The following TMEM260 variants were observed in gnomAD, a reference collection of about 807,000 sequenced individuals.
TMEM260 encodes transmembrane protein 260, also known as protein O-mannosyl-transferase TMEM260.
In TMEM260, 82 loss-of-function variants were observed where a neutral mutation model predicts 88.9. The ratio of observed to expected loss-of-function variants is 0.92; its 90% CI spans 0.77 to 1.11. The LOEUF is 1.11. Among genes scored for constraint, TMEM260 ranks in the 50% least tolerant of loss-of-function variants. The pLI, the probability that TMEM260 is intolerant of heterozygous loss-of-function variation, is 0.00. For missense variants in TMEM260, 902 were observed against 853.4 expected, an observed-to-expected ratio of 1.06 and a Z score of -0.71; for synonymous variants, 314 against 309.3, an observed-to-expected ratio of 1.02 and a Z score of -0.16.
chr14:56,647,070 A>G lies in TMEM260; in HGVS notation c.1870-173A>G, dbSNP rs185577201. The stretch of plus-strand genomic sequence containing the variant: ...AGCATATTTGCCTCCTGCTACTGTA[A>G]TAATTGCAGTAACATTCTTGGGTTC... On this transcript the variant is annotated intron_variant, in intron 15 of 15. Coordinates refer to ENST00000261556, the MANE Select transcript of TMEM260 (RefSeq NM_017799.4). Among the ~76,000 whole-genome samples the G allele has an allele frequency of 5.9e-5, 9 of 152,278 alleles. No homozygotes were observed. In the East Asian group the frequency reaches 1.5e-3, roughly 26 times the overall value.
chr14:56,592,932 A>G (rs1426466821), intron 3 of TMEM260, among the ~76,000 whole-genome samples: 1 of 152,196 alleles, frequency 6.6e-6, no homozygotes, highest in African/African-American at 2.4e-5. Context: ...AGGCATGTCA[A>G]ATGTGTGTTC....
intron 3 of TMEM260, among the ~76,000 whole-genome samples, chr14:56,596,431 C>T (rs889260946): frequency 5.3e-4 from 72 of 136,418 alleles, no homozygotes; most frequent in African/African-American, 1.7e-3. Flanking sequence ...TATATACATA[C>T]ACACACATAT....
At chr14:56,596,653 C>T (rs1473665485) in intron 3 of TMEM260, among the ~76,000 whole-genome samples, 1 of 149,464 alleles carries the variant, frequency 6.7e-6, no homozygotes, top group Non-Finnish European at 1.5e-5. Flanking sequence ...ATCCCAGCCA[C>T]TTGGGAGGCT....
chr14:56,661,372 C>T, the TMEM260 span, among the ~76,000 whole-genome samples: 9 of 152,160 alleles, frequency 5.9e-5, no homozygotes, highest in African/African-American at 7.2e-5. Flanking sequence ...GGAATGCCCT[C>T]GGTGGTGGAG....
the TMEM260 span, among the ~76,000 whole-genome samples, chr14:56,656,424 AAAT>A: frequency 7.2e-5 from 11 of 152,216 alleles, no homozygotes; most frequent in East Asian, 7.7e-4. Context: ...TATCTCAAAT[AAAT>A]AAATAAATAA....
At chr14:56,619,327 T>A (rs1360698718) in intron 10 of TMEM260, 1 of 152,594 alleles carries the variant, frequency 6.6e-6, no homozygotes, top group Non-Finnish European at 1.5e-5. Context: ...CATGCCACCA[T>A]TAGCATGCCT....
chr14:56,613,128 G>A (rs968737536), intron 7 of TMEM260: 1 of 151,926 alleles, frequency 6.6e-6, no homozygotes, highest in African/African-American at 2.4e-5. Flanking sequence ...TACAGATTAA[G>A]ACAAGTGGAA....
At chr14:56,659,245 T>C in the TMEM260 span, among the ~76,000 whole-genome samples, 1 of 147,556 alleles carries the variant, frequency 6.8e-6, no homozygotes, top group Non-Finnish European at 1.5e-5. Flanking sequence ...AAGAGGGTTT[T>C]TGTTTTTTGG....
chr14:56,640,550 A>G (rs1432684197), intron 15 of TMEM260, among the ~76,000 whole-genome samples: 1 of 152,180 alleles, frequency 6.6e-6, no homozygotes, highest in Non-Finnish European at 1.5e-5. Flanking sequence ...TGGGGAAAAA[A>G]CAGCAGAAAA....
chr14:56,621,788 C>A, intron 11 of TMEM260, 86 bp downstream of exon 11: 3 of 1,169,940 alleles, frequency 2.6e-6, no homozygotes, highest in Non-Finnish European at 3.5e-6. Flanking sequence ...AAATGGTGGA[C>A]GGGTACAGTT....
At chr14:56,618,561 A>C (rs755250986) in intron 9 of TMEM260, 33 bp from the exon 10 acceptor site, 1 of 1,608,688 alleles carries the variant, frequency 6.2e-7, no homozygotes, top group African/African-American at 1.3e-5. Context: ...TAAATAGTCA[A>C]CTGGACCCAC....
chr14:56,643,394 A>G (rs1181789303), intron 15 of TMEM260, among the ~76,000 whole-genome samples: 1 of 152,190 alleles, frequency 6.6e-6, no homozygotes, highest in African/African-American at 2.4e-5. Flanking sequence ...TATAAACAGA[A>G]CCAAAGACAA....
At chr14:56,636,375 TGA>T (rs1346674732) in intron 14 of TMEM260, 131 bp from the exon 15 acceptor site, 1 of 690,302 alleles carries the variant, frequency 1.4e-6, no homozygotes, top group Admixed American at 2.6e-5. Flanking sequence ...TCCATGAATA[TGA>T]GAGAATTGAA....
At chr14:56,638,963 G>GTGACTTAATAGGACATCTAAAA (rs1317340046) in intron 15 of TMEM260, among the ~76,000 whole-genome samples, 4 of 152,128 alleles carry the variant, frequency 2.6e-5, no homozygotes, top group African/African-American at 9.7e-5. Flanking sequence ...TATGGTACAT[G>GTGACTTAATAGGACATCTAAAA]TGACTTAATA....
intron 3 of TMEM260, among the ~76,000 whole-genome samples, chr14:56,592,141 T>A (rs1389046887): frequency 6.6e-6 from 1 of 152,190 alleles, no homozygotes; most frequent in Non-Finnish European, 1.5e-5. Flanking sequence ...CTCCTTTTGA[T>A]CAAACCTCAT....
chr14:56,646,223 C>T (rs1379814991), intron 15 of TMEM260, among the ~76,000 whole-genome samples: 3 of 152,142 alleles, frequency 2.0e-5, no homozygotes, highest in African/African-American at 7.2e-5. Flanking sequence ...CATGAGGGTG[C>T]TATTTAAAAA....
chr14:56,636,226 A>G (rs1889054548), intron 14 of TMEM260, among the ~76,000 whole-genome samples: 1 of 140,286 alleles, frequency 7.1e-6, no homozygotes, highest in African/African-American at 2.9e-5. Flanking sequence ...TCTCTTGCAT[A>G]ACAATAACAT....
chr14:56,590,208 A>T (rs1451348054), intron 3 of TMEM260, among the ~76,000 whole-genome samples: 1 of 152,220 alleles, frequency 6.6e-6, no homozygotes, highest in Non-Finnish European at 1.5e-5. Context: ...GCATTTTCTT[A>T]TAAGTAGAGG....
chr14:56,622,895 CGATT>C (rs1192527798), intron 11 of TMEM260, among the ~76,000 whole-genome samples: 7 of 151,912 alleles, frequency 4.6e-5, no homozygotes, highest in African/African-American at 9.7e-5. Context: ...TCATGGATGC[CGATT>C]GATTAATTTG....
Sources: allele counts gnomAD v4.1 joint callset (sites outside exome capture counted in the v4.1 genomes callset), GRCh38; gene constraint gnomAD v4.1.1; transcripts MANE v1.5; gene names NCBI Gene and HGNC (gene_info 2026-07-23, HGNC 2026-07-21).